The following CCDC178 variants were observed in gnomAD, a reference collection of about 807,000 sequenced individuals.
CCDC178 encodes the protein coiled-coil domain containing 178.
CCDC178 carries 126 observed loss-of-function variants against 117.4 expected under a neutral mutation model. The ratio of observed to expected loss-of-function variants is 1.07; its 90% CI spans 0.93 to 1.24. The LOEUF is 1.24. CCDC178 is among the 50% of genes most tolerant of loss of function. The pLI is 0.00. For synonymous variants in CCDC178, 283 were observed against 313.4 expected, an observed-to-expected ratio of 0.90 and a Z score of 1.02; for missense variants, 1,030 against 986.9, an observed-to-expected ratio of 1.04 and a Z score of -0.59.
chr18:33,056,257 T>C (rs1321341223), intron 21 of CCDC178, among the ~76,000 whole-genome samples: 1 of 152,216 alleles, frequency 6.6e-6, no homozygotes, highest in African/African-American at 2.4e-5. Flanking sequence ...CAGGGGTCAG[T>C]TCACAATCAT....
chr18:33,109,164 A>T (rs1427002490), intron 20 of CCDC178, among the ~76,000 whole-genome samples: 1 of 151,698 alleles, frequency 6.6e-6, no homozygotes, highest in Non-Finnish European at 1.5e-5. Flanking sequence ...GGGCTAAGAA[A>T]TTGTTGGGTA....
intron 20 of CCDC178, among the ~76,000 whole-genome samples, chr18:33,115,577 C>CA (rs1239230018): frequency 1.3e-5 from 2 of 152,064 alleles, no homozygotes; most frequent in East Asian, 3.9e-4. Flanking sequence ...AATCACCGAA[C>CA]AAAGATTGTA....
chr18:33,159,862 A>G (rs1260428557), intron 20 of CCDC178, among the ~76,000 whole-genome samples: 1 of 152,078 alleles, frequency 6.6e-6, no homozygotes, highest in South Asian at 2.1e-4. Flanking sequence ...AAATACTTAA[A>G]TTATCTTTTT....
intron 14 of CCDC178, among the ~76,000 whole-genome samples, chr18:33,252,972 T>G (rs1158743742): frequency 6.6e-6 from 1 of 151,818 alleles, no homozygotes; most frequent in Non-Finnish European, 1.5e-5. Flanking sequence ...GTTAATCAAT[T>G]TCAAATCATT....
chr18:33,061,053 C>A (rs1318779992), intron 21 of CCDC178, among the ~76,000 whole-genome samples: 1 of 152,094 alleles, frequency 6.6e-6, no homozygotes, highest in African/African-American at 2.4e-5. Context: ...AATTATTTAG[C>A]AAGTTTTCCA....
rs557898578 is a variant in CCDC178, at chr18:33,267,284, C to T, written c.1190G>A (p.Arg397Lys). The change falls in exon 13 of 23, where the codon AGA (arginine) becomes AAA (lysine). Residue 397 changes from arginine to lysine, a missense_variant. Coordinates refer to ENST00000383096, the MANE Select transcript of CCDC178 (RefSeq NM_001105528.4). ...HSLSKMLEDL[R>K]RVYDQLTWKQ... ...CCAGGTTAGTTGGTCATAAACTCTT[C>T]TCAAATCTTCCAGCTAAGAAAGAAG... 83 of 1,591,628 alleles carry T rather than the reference C, an allele frequency of 5.2e-5. No individual in the cohort carries two copies. In the South Asian group the frequency reaches 9.5e-4, roughly 18 times the overall value.
chr18:33,356,944 C>T (rs2063065896), intron 6 of CCDC178, among the ~76,000 whole-genome samples: 1 of 151,904 alleles, frequency 6.6e-6, no homozygotes, highest in Admixed American at 6.6e-5. Context: ...GAGACATTCA[C>T]CACCTATTCT....
intron 10 of CCDC178, among the ~76,000 whole-genome samples, chr18:33,326,669 G>A (rs2062588803): frequency 6.6e-6 from 1 of 151,648 alleles, no homozygotes; most frequent in Non-Finnish European, 1.5e-5. Flanking sequence ...TGTTGTTTTT[G>A]GGTTTTTTTT....
chr18:33,024,315 G>A (rs1175966189), intron 21 of CCDC178, among the ~76,000 whole-genome samples: 1 of 152,128 alleles, frequency 6.6e-6, no homozygotes, highest in East Asian at 1.9e-4. Context: ...TCAAGGTGCT[G>A]GCTGGATCGT....
intron 21 of CCDC178, among the ~76,000 whole-genome samples, chr18:33,065,730 C>G (rs1396778667): frequency 6.6e-6 from 1 of 152,104 alleles, no homozygotes; most frequent in African/African-American, 2.4e-5. Flanking sequence ...CCCCATCAGA[C>G]CAACAGCAAA....
chr18:33,014,197 G>A (rs78705715), intron 21 of CCDC178, among the ~76,000 whole-genome samples: 2,455 of 152,284 alleles, frequency 0.016, 24 homozygotes, highest in Non-Finnish European at 0.023. Flanking sequence ...AGGATGCAGC[G>A]GAATGAGTGT....
chr18:32,974,755 T>C, intron 21 of CCDC178, 74 bp from the exon 22 acceptor site: 2 of 1,445,130 alleles, frequency 1.4e-6, no homozygotes, highest in Non-Finnish European at 1.9e-6. Context: ...TCAAGAAGAA[T>C]GATGGAGGGA....
chr18:33,284,355 C>T (rs894748791), intron 12 of CCDC178, among the ~76,000 whole-genome samples: 6 of 152,038 alleles, frequency 3.9e-5, no homozygotes, highest in African/African-American at 1.4e-4. Context: ...CATAAGGTTA[C>T]CTATGTAACA....
intron 21 of CCDC178, among the ~76,000 whole-genome samples, chr18:33,027,497 A>G (rs1350422359): frequency 6.6e-6 from 1 of 151,620 alleles, no homozygotes; most frequent in African/African-American, 2.4e-5. Flanking sequence ...ATACAAAAAC[A>G]AATCTGAAGA....
intron 17 of CCDC178, among the ~76,000 whole-genome samples, chr18:33,224,483 A>G (rs1385357362): frequency 6.6e-6 from 1 of 152,208 alleles, no homozygotes; most frequent in East Asian, 1.9e-4. Flanking sequence ...GAAGGAGTGA[A>G]GACTTTGAAT....
chr18:32,946,177 A>G (rs376932982), intron 22 of CCDC178, among the ~76,000 whole-genome samples: 1 of 152,194 alleles, frequency 6.6e-6, no homozygotes, highest in African/African-American at 2.4e-5. Flanking sequence ...GAGGCCCTCA[A>G]ATAATTTTTA....
At chr18:33,259,594 G>A (rs949931069) in intron 14 of CCDC178, among the ~76,000 whole-genome samples, 1 of 151,982 alleles carries the variant, frequency 6.6e-6, no homozygotes, top group South Asian at 2.1e-4. Flanking sequence ...GATCTCCTGA[G>A]AATTCACTCA....
intron 12 of CCDC178, among the ~76,000 whole-genome samples, chr18:33,283,789 C>A (rs79945524): frequency 2.0e-5 from 3 of 152,102 alleles, no homozygotes; most frequent in Non-Finnish European, 4.4e-5. Context: ...GAAAAAGGAA[C>A]GCTTATACAC....
chr18:33,206,864 A>C (rs1319884469), intron 20 of CCDC178, among the ~76,000 whole-genome samples: 1 of 152,196 alleles, frequency 6.6e-6, no homozygotes, highest in East Asian at 1.9e-4. Flanking sequence ...GTTTGCTAGA[A>C]GCCCCCTGAT....
Sources: allele counts gnomAD v4.1 joint callset (sites outside exome capture counted in the v4.1 genomes callset), GRCh38; gene constraint gnomAD v4.1.1; transcripts MANE v1.5; gene names NCBI Gene and HGNC (gene_info 2026-07-23, HGNC 2026-07-21).